Variants in AKAP19 observed in about 807,000 individuals in gnomAD.
AKAP19 encodes A-kinase anchoring protein 19.
the AKAP19 span, among the ~76,000 whole-genome samples, chr2:190,192,118 A>C: frequency 6.6e-6 from 1 of 152,116 alleles, no homozygotes; most frequent in Non-Finnish European, 1.5e-5. Flanking sequence ...CTTTTGAGTT[A>C]ATTTTTCTAT....
chr2:190,060,402 T>C, the AKAP19 span: 6 of 1,610,742 alleles, frequency 3.7e-6, no homozygotes, highest in Admixed American at 5.0e-5. Flanking sequence ...GAAGCAACAT[T>C]TGGGTTTTCC....
At chr2:190,074,494 T>C in the AKAP19 span, among the ~76,000 whole-genome samples, 1 of 151,462 alleles carries the variant, frequency 6.6e-6, no homozygotes, top group African/African-American at 2.4e-5. Flanking sequence ...CTACTAAAAA[T>C]ACAAAAATTA....
the AKAP19 span, among the ~76,000 whole-genome samples, chr2:190,128,380 T>C: frequency 1.1e-4 from 16 of 152,296 alleles, no homozygotes; most frequent in East Asian, 2.7e-3. Context: ...GAGCTAAAGA[T>C]GGATTAATCA....
At chr2:190,108,783 G>GT in the AKAP19 span, among the ~76,000 whole-genome samples, 59,233 of 135,588 alleles carry the variant, frequency 0.44, 14,787 homozygotes, top group South Asian at 0.71. Flanking sequence ...CCTGTTTGCG[G>GT]TTTTTTTTTT....
At chr2:189,978,524 GGC>G in the AKAP19 span, among the ~76,000 whole-genome samples, 1 of 152,168 alleles carries the variant, frequency 6.6e-6, no homozygotes, top group Non-Finnish European at 1.5e-5. Context: ...GGAAGGCTGA[GGC>G]ATGAGAATTG....
At chr2:190,089,970 G>A in the AKAP19 span, among the ~76,000 whole-genome samples, 1 of 152,146 alleles carries the variant, frequency 6.6e-6, no homozygotes, top group East Asian at 1.9e-4. Flanking sequence ...ACCATGCAGA[G>A]CAGTGTTTCT....
At chr2:190,170,886 T>A in the AKAP19 span, among the ~76,000 whole-genome samples, 2 of 152,188 alleles carry the variant, frequency 1.3e-5, no homozygotes, top group Non-Finnish European at 2.9e-5. Flanking sequence ...ACATTGAACT[T>A]CCTTGTACAT....
At chr2:190,195,300 T>C in the AKAP19 span, among the ~76,000 whole-genome samples, 1 of 152,226 alleles carries the variant, frequency 6.6e-6, no homozygotes, top group African/African-American at 2.4e-5. Flanking sequence ...ATGCAGATTT[T>C]TGCATGGATT....
chr2:190,170,870 CTG>C, the AKAP19 span, among the ~76,000 whole-genome samples: 1 of 152,170 alleles, frequency 6.6e-6, no homozygotes, highest in African/African-American at 2.4e-5. Context: ...TGATAAGAGA[CTG>C]TGTACATTGA....
At chr2:190,069,171 T>TGAGAGAGA in the AKAP19 span, among the ~76,000 whole-genome samples, 8 of 129,220 alleles carry the variant, frequency 6.2e-5, no homozygotes, top group African/African-American at 2.8e-4. Flanking sequence ...TGTGTGTGTG[T>TGAGAGAGA]GTGTGAGAGA....
chr2:189,993,400 T>C, the AKAP19 span, among the ~76,000 whole-genome samples: 1 of 152,202 alleles, frequency 6.6e-6, no homozygotes, highest in Non-Finnish European at 1.5e-5. Flanking sequence ...TGATATGCTA[T>C]TAGATTCAGT....
At chr2:190,200,064 T>TA in the AKAP19 span, 1 of 1,614,000 alleles carries the variant, frequency 6.2e-7, no homozygotes, top group Non-Finnish European at 8.5e-7. Context: ...TGTCTCAGGA[T>TA]ATCTTGTGTG....
the AKAP19 span, among the ~76,000 whole-genome samples, chr2:190,017,529 C>T: frequency 1.3e-5 from 2 of 152,096 alleles, no homozygotes; most frequent in South Asian, 2.1e-4. Flanking sequence ...TTTGATCTTA[C>T]ACCACAATTC....
At chr2:190,038,884 CTT>C in the AKAP19 span, among the ~76,000 whole-genome samples, 1 of 37,402 alleles carries the variant, frequency 2.7e-5, no homozygotes, top group East Asian at 1.6e-3. Flanking sequence ...CTCCCTCTTT[CTT>C]TCTTTCTTTC....
the AKAP19 span, among the ~76,000 whole-genome samples, chr2:190,138,724 T>G: frequency 6.6e-6 from 1 of 152,304 alleles, no homozygotes; most frequent in African/African-American, 2.4e-5. Context: ...TTCAGTTCCC[T>G]CCAACAGAGC....
At chr2:189,962,654 G>A in the AKAP19 span, among the ~76,000 whole-genome samples, 1 of 152,074 alleles carries the variant, frequency 6.6e-6, no homozygotes, top group African/African-American at 2.4e-5. Context: ...GAGAGATGTT[G>A]GGTTGGGGGA....
At chr2:189,890,805 T>TATGTGTCTCTGCACATGAG in the AKAP19 span, among the ~76,000 whole-genome samples, 1 of 152,226 alleles carries the variant, frequency 6.6e-6, no homozygotes, top group Non-Finnish European at 1.5e-5. Flanking sequence ...TTTGAGCCTA[T>TATGTGTCTCTGCACATGAG]ATGTGTCTCT....
At chr2:189,969,748 AAG>A in the AKAP19 span, among the ~76,000 whole-genome samples, 1 of 151,072 alleles carries the variant, frequency 6.6e-6, no homozygotes, top group Non-Finnish European at 1.5e-5. Context: ...AAAAAAAAAA[AAG>A]ATAAAATTTC....
At chr2:190,196,426 CTT>C in the AKAP19 span, among the ~76,000 whole-genome samples, 8 of 150,866 alleles carry the variant, frequency 5.3e-5, no homozygotes, top group African/African-American at 1.9e-4. Context: ...CTCTGAGATT[CTT>C]TTTTTGTTCA....
Sources: allele counts gnomAD v4.1 joint callset (sites outside exome capture counted in the v4.1 genomes callset), GRCh38; gene constraint gnomAD v4.1.1; transcripts MANE v1.5; gene names NCBI Gene and HGNC (gene_info 2026-07-23, HGNC 2026-07-21).